LYPD6B: variants seen among roughly 807,000 people sequenced by gnomAD.
The protein encoded by LYPD6B is LY6/PLAUR domain containing 6B.
In LYPD6B, 17 loss-of-function variants were observed where a neutral mutation model predicts 22.8. That is an observed-to-expected ratio of 0.75 (90% CI 0.51 to 1.12). LYPD6B has a LOEUF of 1.12. Among genes scored for constraint, LYPD6B ranks in the 50% most tolerant of loss-of-function variants. The pLI is 0.00. For synonymous variants in LYPD6B, 106 were observed against 91.6 expected, an observed-to-expected ratio of 1.16 and a Z score of -0.90; for missense variants, 221 against 258.3, an observed-to-expected ratio of 0.86 and a Z score of 0.99.
At chr2:149,156,526 G>GA (rs1436441537) in intron 2 of LYPD6B, among the ~76,000 whole-genome samples, 3 of 152,150 alleles carry the variant, frequency 2.0e-5, no homozygotes, top group African/African-American at 7.2e-5. Flanking sequence ...TCAAAATCAA[G>GA]GTGTCAGCAA....
At chr2:149,059,297 C>G (rs1239134751) in intron 1 of LYPD6B, among the ~76,000 whole-genome samples, 1 of 152,262 alleles carries the variant, frequency 6.6e-6, no homozygotes, top group Non-Finnish European at 1.5e-5. Flanking sequence ...ACACTTTCCT[C>G]CATTTCCTTT....
At chr2:149,119,884 G>C (rs957153473) in intron 1 of LYPD6B, among the ~76,000 whole-genome samples, 3 of 152,082 alleles carry the variant, frequency 2.0e-5, no homozygotes, top group South Asian at 2.1e-4. Flanking sequence ...GTCCCAGCTA[G>C]AGCCAGCATA....
chr2:149,096,776 T>C (rs1269817703), intron 1 of LYPD6B, among the ~76,000 whole-genome samples: 1 of 152,174 alleles, frequency 6.6e-6, no homozygotes, highest in African/African-American at 2.4e-5. Context: ...GATTCATTAG[T>C]TGCGGGTAGG....
Position 149,148,715 on chromosome 2 carries a change from A to T in LYPD6B, c.6-12049A>T, listed in dbSNP as rs114817618. ...TCCATTTAAAAAACTGTGCTGGCCAAATTAAACCCCTCTCTGTGCCCTCTA... is the reference window on the plus strand; with the variant it reads ...TCCATTTAAAAAACTGTGCTGGCCATATTAAACCCCTCTCTGTGCCCTCTA... On this transcript the variant is annotated intron_variant, in intron 2 of 6. Coordinates refer to ENST00000409642, the MANE Select transcript of LYPD6B (RefSeq NM_177964.5). Among the ~76,000 whole-genome samples, 1,352 of 152,302 alleles carry T rather than the reference A, an allele frequency of 8.9e-3. 17 individuals carry two copies. The highest frequency in any genetic ancestry group is 0.031 in the African/African-American group (1,304 of 41,572).
At chr2:149,214,514 A>G (rs778266038) in intron 6 of LYPD6B, 32 bp from the exon 7 acceptor site, 41 of 1,604,806 alleles carry the variant, frequency 2.6e-5, no homozygotes, top group Non-Finnish European at 3.4e-5. Context: ...TCTATTATTC[A>G]CTGTCATTTC....
At chr2:149,084,628 G>A (rs1174085005) in intron 1 of LYPD6B, among the ~76,000 whole-genome samples, 7 of 152,264 alleles carry the variant, frequency 4.6e-5, no homozygotes, top group African/African-American at 1.7e-4. Context: ...TTGCTAGCAG[G>A]AGTCATTATA....
intron 1 of LYPD6B, among the ~76,000 whole-genome samples, chr2:149,099,124 CT>C (rs1327025851): frequency 2.0e-5 from 3 of 152,164 alleles, no homozygotes; most frequent in Non-Finnish European, 2.9e-5. Flanking sequence ...AGGTAAATCT[CT>C]TCAGAGAGGG....
chr2:149,189,538 TA>T (rs1277190610), intron 3 of LYPD6B, among the ~76,000 whole-genome samples: 3 of 150,944 alleles, frequency 2.0e-5, no homozygotes, highest in Admixed American at 6.6e-5. Flanking sequence ...AAGTTAGGAG[TA>T]GGGGCAAGAT....
At chr2:149,176,410 G>A (rs1229667514) in intron 3 of LYPD6B, among the ~76,000 whole-genome samples, 1 of 152,198 alleles carries the variant, frequency 6.6e-6, no homozygotes, top group Non-Finnish European at 1.5e-5. Flanking sequence ...CACCTGGTGA[G>A]CTCAGGACAA....
chr2:149,172,671 T>C (rs548541790), intron 3 of LYPD6B, among the ~76,000 whole-genome samples: 19 of 152,306 alleles, frequency 1.2e-4, no homozygotes, highest in African/African-American at 4.6e-4. Context: ...TGAGGATGTT[T>C]CTAGAAGAGA....
intron 3 of LYPD6B, among the ~76,000 whole-genome samples, chr2:149,173,344 C>A (rs1690988568): frequency 8.5e-6 from 1 of 117,500 alleles, no homozygotes; most frequent in Non-Finnish European, 1.7e-5. Context: ...TTTAGTCTGT[C>A]AGGCCTTTTT....
chr2:149,121,791 C>G (rs1173773110), intron 1 of LYPD6B, among the ~76,000 whole-genome samples: 2 of 152,114 alleles, frequency 1.3e-5, no homozygotes, highest in Admixed American at 6.5e-5. Flanking sequence ...AGTGAAGCAC[C>G]CAAGGATTGG....
intron 1 of LYPD6B, among the ~76,000 whole-genome samples, chr2:149,128,906 A>G (rs956654952): frequency 6.6e-6 from 1 of 152,182 alleles, no homozygotes. Context: ...CTTGGTTGTA[A>G]CCATAAGAAA....
chr2:149,145,199 A>G (rs1187847032), intron 2 of LYPD6B, among the ~76,000 whole-genome samples: 1 of 152,200 alleles, frequency 6.6e-6, no homozygotes, highest in Non-Finnish European at 1.5e-5. Context: ...CAGAGGGATT[A>G]TGAGTTTCCT....
intron 2 of LYPD6B, among the ~76,000 whole-genome samples, chr2:149,144,289 TG>T (rs991480643): frequency 7.2e-6 from 1 of 138,944 alleles, no homozygotes; most frequent in African/African-American, 2.6e-5. Flanking sequence ...AAAACAAGAA[TG>T]GGGGTGGGGT....
chr2:149,205,916 A>G (rs1693480706), intron 4 of LYPD6B: 1 of 338,282 alleles, frequency 3.0e-6, no homozygotes, highest in Admixed American at 3.9e-5. Context: ...AAGATAGGCA[A>G]ATATTAGTAA....
At chr2:149,097,556 G>A (rs765240756) in intron 1 of LYPD6B, among the ~76,000 whole-genome samples, 4 of 152,188 alleles carry the variant, frequency 2.6e-5, no homozygotes, top group Non-Finnish European at 4.4e-5. Flanking sequence ...CTCCGTTGGG[G>A]GCTGCTGGGC....
In LYPD6B at chr2:149,127,976, C is replaced by T. The variant is rs570553463; in HGVS notation, c.-66-2907C>T. ...AGAGATGTGTCTTCAAAATATAGTACTGCATAGGTAAATGATGATTTTTTT... is the reference window on the plus strand; with the variant it reads ...AGAGATGTGTCTTCAAAATATAGTATTGCATAGGTAAATGATGATTTTTTT... On this transcript the variant is annotated intron_variant, in intron 1 of 6. Transcript: ENST00000409642. Among the ~76,000 whole-genome samples the T allele has an allele frequency of 5.0e-4, 75 of 148,738 alleles. No homozygotes were observed. In the South Asian group the frequency reaches 0.016, roughly 32 times the overall value.
intron 1 of LYPD6B, among the ~76,000 whole-genome samples, chr2:149,121,887 G>A (rs1479711599): frequency 6.6e-6 from 1 of 152,138 alleles, no homozygotes; most frequent in Non-Finnish European, 1.5e-5. Context: ...AAAGTCACCT[G>A]GCACAGGACC....
Sources: gnomAD v4.1 joint callset for allele counts (sites outside exome capture counted in the v4.1 genomes callset) on GRCh38, gnomAD v4.1.1 for gene constraint, MANE v1.5 for transcripts, NCBI Gene and HGNC (gene_info 2026-07-23, HGNC 2026-07-21) for gene names.